STPG4: variants seen among roughly 807,000 people sequenced by gnomAD.
STPG4 encodes sperm-tail PG-rich repeat containing 4.
In STPG4, 41 loss-of-function variants were observed where a neutral mutation model predicts 31.5. The observed-to-expected ratio is 1.30, with a 90% CI of 1.01 to 1.69. The LOEUF (loss-of-function observed/expected upper bound fraction) is 1.69, where lower values mean the gene tolerates loss of function less well. STPG4 is among the 40% of genes most tolerant of loss of function. The probability of loss-of-function intolerance (pLI) is 0.00; values close to 1 mark genes in which losing one functional copy is unlikely to be tolerated. For missense variants in STPG4, 375 were observed against 293.4 expected (o/e 1.28, Z -2.03); for synonymous variants, 141 against 103.0 (o/e 1.37, Z -2.24).
At chr2:47,125,544 G>A (rs1432600085) in intron 5 of STPG4, among the ~76,000 whole-genome samples, 1 of 152,140 alleles carries the variant, frequency 6.6e-6, no homozygotes, top group Admixed American at 6.5e-5. Context: ...TCTTCACTTT[G>A]TTGATTGTTT....
chr2:47,138,675 A>G (rs6739161), intron 3 of STPG4, among the ~76,000 whole-genome samples: 113,393 of 152,066 alleles, frequency 0.75, 43,010 homozygotes, highest in East Asian at 0.92. Flanking sequence ...TCAGCCTCCC[A>G]AGTAGCTGGG....
intron 5 of STPG4, among the ~76,000 whole-genome samples, chr2:47,100,112 G>C (rs969693690): frequency 1.3e-5 from 2 of 152,122 alleles, no homozygotes; most frequent in African/African-American, 4.8e-5. Context: ...GGGCTGAGGA[G>C]TGCGGGCACA....
intron 5 of STPG4, among the ~76,000 whole-genome samples, chr2:47,098,003 C>A (rs1184362749): frequency 6.6e-6 from 1 of 151,276 alleles, no homozygotes; most frequent in Non-Finnish European, 1.5e-5. Context: ...TCAACTTTCT[C>A]AGGTTAACAC....
rs61161160 is a variant in STPG4 at position 47,107,365 on chromosome 2, G to A, written c.520-16991C>T. ...GGTGGGCATGGGCTTGGTGGGCCCC[G>A]CACTCGGAGCAGCTGGCCGGCCCTG... On this transcript the variant is annotated intron_variant, in intron 5 of 6. Transcript: ENST00000445927. Among the ~76,000 whole-genome samples the A allele has an allele frequency of 9.4e-3, 1,436 of 152,202 alleles. 32 individuals are homozygous for A. The highest frequency in any genetic ancestry group is 0.032 in the African/African-American group (1,345 of 41,470).
At chr2:47,098,323 C>T (rs937636769) in intron 5 of STPG4, among the ~76,000 whole-genome samples, 5 of 152,204 alleles carry the variant, frequency 3.3e-5, no homozygotes, top group Non-Finnish European at 5.9e-5. Context: ...CATACACCTA[C>T]TTTCATTTCA....
chr2:47,130,745 C>G (rs1392879598), intron 3 of STPG4, among the ~76,000 whole-genome samples: 1 of 152,038 alleles, frequency 6.6e-6, no homozygotes, highest in Non-Finnish European at 1.5e-5. Context: ...GAACTCCTGG[C>G]CTCAAGTGAT....
rs11417126 is a variant in STPG4 at position 47,147,956 on chromosome 2, C to CTTTTT, written c.399+3297_399+3301dup. On this transcript the variant is annotated intron_variant, in intron 3 of 6. Coordinates refer to ENST00000445927, the MANE Select transcript of STPG4 (RefSeq NM_001163561.2). ...CATTCAAATATGTATATACATATTC[C>CTTTTT]TTTTTTTTTTTTTGAGACCGGGTCT... 1.4e-5 allele frequency among the ~76,000 whole-genome samples: 2 copies of CTTTTT among 147,016 alleles called. 1 individual carries two copies. Among genetic ancestry groups the CTTTTT allele is most frequent in the Non-Finnish European group, 3.0e-5 (2 of 66,902 alleles).
intron 5 of STPG4, among the ~76,000 whole-genome samples, chr2:47,115,429 ATTT>A (rs553931067): frequency 4.0e-3 from 607 of 152,094 alleles, no homozygotes; most frequent in Non-Finnish European, 6.7e-3. Context: ...TTGGGAGGTA[ATTT>A]TTATGAGTTT....
intron 5 of STPG4, among the ~76,000 whole-genome samples, chr2:47,099,760 C>T (rs1032875624): frequency 2.0e-5 from 3 of 152,232 alleles, no homozygotes; most frequent in Non-Finnish European, 2.9e-5. Flanking sequence ...ACCGGGGCTG[C>T]GCGTGGCGCT....
chr2:47,133,257 C>T (rs1686524779), intron 3 of STPG4, among the ~76,000 whole-genome samples: 1 of 151,932 alleles, frequency 6.6e-6, no homozygotes, highest in African/African-American at 2.4e-5. Context: ...GCTTCAACCT[C>T]CCAGGCTCAA....
intron 3 of STPG4, among the ~76,000 whole-genome samples, chr2:47,131,162 T>A (rs1306776320): frequency 6.6e-6 from 1 of 151,958 alleles, no homozygotes; most frequent in African/African-American, 2.4e-5. Flanking sequence ...AGTCTCACTC[T>A]GTTGCCCACG....
rs113550107 is a variant in STPG4 at position 47,091,301 on chromosome 2, A to G, written c.520-927T>C. On this transcript the variant is annotated intron_variant, in intron 5 of 6. Coordinates refer to ENST00000445927, the MANE Select transcript of STPG4 (RefSeq NM_001163561.2). ...AGTGCAATCTGGCAAGATATGAAACAGCTTAAAACATATATGCCTATCCAG... is the reference window on the plus strand; with the variant it reads ...AGTGCAATCTGGCAAGATATGAAACGGCTTAAAACATATATGCCTATCCAG... Among the ~76,000 whole-genome samples the G allele has an allele frequency of 1.1e-3, 161 of 152,342 alleles. 2 individuals are homozygous for G. The highest frequency in any genetic ancestry group is 3.8e-3 in the African/African-American group (157 of 41,588).
At chr2:47,141,069 T>C (rs1686693327) in intron 3 of STPG4, among the ~76,000 whole-genome samples, 1 of 151,988 alleles carries the variant, frequency 6.6e-6, no homozygotes, top group African/African-American at 2.4e-5. Flanking sequence ...GTATTTTTAG[T>C]AGAGATGGGG....
intron 6 of STPG4, among the ~76,000 whole-genome samples, chr2:47,089,390 G>A (rs1361693845): frequency 2.0e-5 from 3 of 152,194 alleles, no homozygotes; most frequent in African/African-American, 7.2e-5. Flanking sequence ...GCCATGGCCT[G>A]GGATATAGGC....
At chr2:47,101,283 G>A (rs113381389) in intron 5 of STPG4, among the ~76,000 whole-genome samples, 13,679 of 151,714 alleles carry the variant, frequency 0.09, 867 homozygotes, top group Non-Finnish European at 0.12. Context: ...GGTTTGCCTA[G>A]AACCAGCTTC....
intron 3 of STPG4, among the ~76,000 whole-genome samples, chr2:47,138,787 A>T (rs1311428774): frequency 6.6e-6 from 1 of 151,954 alleles, no homozygotes; most frequent in Admixed American, 6.6e-5. Flanking sequence ...TGACCTTGTG[A>T]TCTGCCTGCC....
At chr2:47,149,898 G>A (rs961319191) in intron 3 of STPG4, among the ~76,000 whole-genome samples, 1 of 152,072 alleles carries the variant, frequency 6.6e-6, no homozygotes, top group Admixed American at 6.5e-5. Flanking sequence ...CTCCTCCCTC[G>A]GAATACCTCC....
At chr2:47,126,035 T>C (rs1215674644) in intron 5 of STPG4, among the ~76,000 whole-genome samples, 1 of 152,226 alleles carries the variant, frequency 6.6e-6, no homozygotes, top group Non-Finnish European at 1.5e-5. Context: ...TCACTGTAGA[T>C]ATATGGATTT....
At chr2:47,090,161 C>G (rs1470836157) in intron 6 of STPG4, 109 bp downstream of exon 6, 1 of 707,530 alleles carries the variant, frequency 1.4e-6, no homozygotes, top group African/African-American at 1.8e-5. Context: ...CATGATCATT[C>G]CCCCATCTCA....
Sources: allele counts gnomAD v4.1 joint callset (sites outside exome capture counted in the v4.1 genomes callset), GRCh38; gene constraint gnomAD v4.1.1; transcripts MANE v1.5; gene names NCBI Gene and HGNC (gene_info 2026-07-23, HGNC 2026-07-21).